The following CHRNA6 variants were observed in gnomAD, a reference collection of about 807,000 sequenced individuals.
CHRNA6 encodes cholinergic receptor nicotinic alpha 6 subunit, also known as neuronal acetylcholine receptor subunit alpha-6.
A neutral mutation model predicts 40.9 loss-of-function variants in CHRNA6; 31 were observed. The ratio of observed to expected loss-of-function variants is 0.76; its 90% confidence interval spans 0.57 to 1.02. The LOEUF (loss-of-function observed/expected upper bound fraction) is 1.02, where lower values mean the gene tolerates loss of function less well. CHRNA6 is among the 50% of genes least tolerant of loss of function. The pLI, the probability that CHRNA6 is intolerant of heterozygous loss-of-function variation, is 0.00. For synonymous variants in CHRNA6, 222 were observed against 221.3 expected (o/e 1.00, Z -0.03); for missense variants, 546 against 596.6 (o/e 0.92, Z 0.88).
chr8:42,759,407 A>G (rs1425522641), intron 2 of CHRNA6: 1 of 294,964 alleles, frequency 3.4e-6, no homozygotes, highest in Non-Finnish European at 6.6e-6. Flanking sequence ...AAAGGTTTCT[A>G]GTTCCATGAA....
intron 5 of CHRNA6, among the ~76,000 whole-genome samples, chr8:42,755,111 T>C (rs1199817289): frequency 1.4e-5 from 2 of 147,010 alleles, no homozygotes; most frequent in Non-Finnish European, 3.0e-5. Context: ...CTCAACCTCC[T>C]GGGCTCAAGC....
chr8:42,768,354 T>G lies in CHRNA6; in HGVS notation c.77A>C (p.Lys26Thr), dbSNP rs1437779731. 3.7e-6 allele frequency: 6 copies of G among 1,612,602 alleles called. No homozygotes were observed. The Admixed American group carries it at 1.0e-4, about 27-fold the overall frequency. Residue 26 changes from lysine to threonine, a missense_variant and splice_region_variant, in exon 1 of 6, where the codon AAA (lysine) becomes ACA (threonine). Lys to Thr is a moderately conservative substitution (Grantham distance 78, BLOSUM62 -1). This residue lies in a region of CHRNA6 where 476 missense variants were observed against 494.5 expected (regional missense o/e 0.96). Coordinates refer to ENST00000276410, the MANE Select transcript of CHRNA6 (RefSeq NM_004198.3). ...GATAAAGCAGAAATGAAACCTACCT[T>G]TAAAGAAAGGTGTGAACACACACAG... is the stretch of plus-strand genomic sequence containing the variant. ...LWLCVFTPFF[K>T]GCVGCATEER...
chr8:42,754,179 G>A (rs1222834547), intron 5 of CHRNA6, among the ~76,000 whole-genome samples: 1 of 151,614 alleles, frequency 6.6e-6, no homozygotes, highest in African/African-American at 2.4e-5. Flanking sequence ...CTGTTTCTTC[G>A]ATTAAAAAAA....
rs1359312428 is a variant in CHRNA6 at position 42,768,333 on chromosome 8, A to C, written c.79+19T>G. On this transcript the variant is annotated intron_variant, in intron 1 of 5. Coordinates refer to ENST00000276410, the MANE Select transcript of CHRNA6 (RefSeq NM_004198.3). The stretch of plus-strand genomic sequence containing the variant: ...GTAGCTAAAAAGGGAATAGAAGATA[A>C]AGCAGAAATGAAACCTACCTTTAAA... 23 of 1,597,090 alleles carry C rather than the reference A, an allele frequency of 1.4e-5. No homozygotes were observed. Among genetic ancestry groups the C allele is most frequent in the Non-Finnish European group, 1.9e-5 (22 of 1,164,906 alleles).
In CHRNA6 at chr8:42,768,408, C is replaced by T; in HGVS notation, c.23G>A (p.Gly8Glu). Reference sequence around the variant, plus strand: ...GAGACACAAGCCCCCATGAAGGAATCCCTGCCCCTTGCTGGTCAGCATGGT... The same window carrying T: ...GAGACACAAGCCCCCATGAAGGAATTCCTGCCCCTTGCTGGTCAGCATGGT... MLTSKGQGFLHGGLCLWL... is the reference protein window; with the variant it reads MLTSKGQEFLHGGLCLWL... Residue 8 changes from glycine (G) to glutamate (E), a missense_variant, in exon 1 of 6, where the codon GGA becomes GAA. Physicochemically the swap from Gly to Glu is moderately conservative, Grantham distance 98. Around this residue, in one of 3 missense-constraint regions of CHRNA6, gnomAD observed 476 missense variants for 494.5 expected, o/e 0.96. Coordinates refer to ENST00000276410, the MANE Select transcript of CHRNA6 (RefSeq NM_004198.3). 6.2e-7 allele frequency: 1 copy of T among 1,614,028 alleles called. No homozygotes were observed. Among genetic ancestry groups the T allele is most frequent in the Non-Finnish European group, 8.5e-7 (1 of 1,179,892 alleles).
At chr8:42,764,967 G>A (rs1472946371) in intron 2 of CHRNA6, 98 bp downstream of exon 2, 11 of 1,334,736 alleles carry the variant, frequency 8.2e-6, no homozygotes, top group African/African-American at 1.4e-5. Flanking sequence ...GCCAGATCTC[G>A]TGTAGATTTG....
chr8:42,759,187 A>G (rs1816858227), intron 2 of CHRNA6, 74 bp from the exon 3 acceptor site: 1 of 1,110,558 alleles, frequency 9.0e-7, no homozygotes, highest in African/African-American at 1.5e-5. Context: ...AAAAATTACA[A>G]CTAAAAAGAA....
chr8:42,766,292 A>G (rs1161960699), intron 1 of CHRNA6, among the ~76,000 whole-genome samples: 2 of 152,154 alleles, frequency 1.3e-5, no homozygotes, highest in East Asian at 1.9e-4. Flanking sequence ...GGAGATCGAG[A>G]CCATCCTGGC....
At chr8:42,765,234 A>G in intron 1 of CHRNA6, 30 bp from the exon 2 acceptor site, 1 of 1,609,016 alleles carries the variant, frequency 6.2e-7, no homozygotes, top group Non-Finnish European at 8.5e-7. Flanking sequence ...GGAGAGTTAG[A>G]GCCAGCCCGG....
Position 42,765,070 on chromosome 8 carries a change from T to C in CHRNA6, c.214A>G (p.Asn72Asp). 1 of 1,614,114 alleles carries C rather than the reference T, an allele frequency of 6.2e-7. No individual in the cohort carries two copies. Among genetic ancestry groups the C allele is most frequent in the East Asian group, 2.2e-5 (1 of 44,888 alleles). ...TCTGATCAGAGGGCACTCACCACGT[T>C]GGCCAGCTGGGTGATGGCCACTTCA... ...HFEVAITQLA[N>D]VDEVNQIMET... The change falls in exon 2 of 6, where the codon AAC becomes GAC. Residue 72 changes from asparagine to aspartate, a missense_variant. Around this residue, in one of 3 missense-constraint regions of CHRNA6, gnomAD observed 476 missense variants for 494.5 expected, o/e 0.96. Coordinates refer to ENST00000276410, the MANE Select transcript of CHRNA6 (RefSeq NM_004198.3).
chr8:42,758,565 T>C (rs1816846655), intron 3 of CHRNA6, among the ~76,000 whole-genome samples: 1 of 152,130 alleles, frequency 6.6e-6, no homozygotes, highest in Admixed American at 6.6e-5. Flanking sequence ...CATTTCACCA[T>C]GTTGGCCAAG....
intron 2 of CHRNA6, among the ~76,000 whole-genome samples, chr8:42,762,510 A>G (rs554461528): frequency 1.9e-4 from 29 of 152,262 alleles, no homozygotes; most frequent in African/African-American, 7.0e-4. Context: ...TTAGCCGGGC[A>G]TAGTGGCACA....
chr8:42,754,703 C>T (rs1221400558), intron 5 of CHRNA6, among the ~76,000 whole-genome samples: 1 of 152,192 alleles, frequency 6.6e-6, no homozygotes, highest in Non-Finnish European at 1.5e-5. Flanking sequence ...GTTTCAGATG[C>T]CTTCCGCTAG....
intron 2 of CHRNA6, among the ~76,000 whole-genome samples, chr8:42,761,149 G>C (rs1816898871): frequency 6.6e-6 from 1 of 152,186 alleles, no homozygotes; most frequent in South Asian, 2.1e-4. Context: ...ACCCTGCTGG[G>C]CTTCCTCTTT....
rs1373295820 is a variant in CHRNA6 at position 42,764,775 on chromosome 8, A to G, written c.219+290T>C. On this transcript the variant is annotated intron_variant, in intron 2 of 5. Coordinates refer to ENST00000276410, the MANE Select transcript of CHRNA6 (RefSeq NM_004198.3). The stretch of plus-strand genomic sequence containing the variant: ...AGTGAGATGAAGATGTTGGCCACAC[A>G]GTGTAAACAGGCGTCTGGTGCATAA... 2.6e-5 allele frequency among the ~76,000 whole-genome samples: 4 copies of G among 152,176 alleles called. 1 individual carries two copies. The highest frequency in any genetic ancestry group is 7.2e-5 in the African/African-American group (3 of 41,432).
chr8:42,768,074 G>T (rs1816997394), intron 1 of CHRNA6, among the ~76,000 whole-genome samples: 2 of 152,130 alleles, frequency 1.3e-5, no homozygotes, highest in South Asian at 4.1e-4. Context: ...CCACAGGGGA[G>T]ATGAATAGAA....
chr8:42,757,086 C>T lies in CHRNA6; in HGVS notation c.265-49G>A, dbSNP rs777741104. ...TTAAAATTTCTTAATAACTTTCGGG[C>T]CAGGCATGGTGGCTCACGCCTGTAA... On this transcript the variant is annotated intron_variant, in intron 3 of 5. Coordinates refer to ENST00000276410, the MANE Select transcript of CHRNA6 (RefSeq NM_004198.3). 1.4e-5 allele frequency: 20 copies of T among 1,430,580 alleles called. No homozygotes were observed. In the South Asian group the frequency reaches 2.2e-4, roughly 16 times the overall value. The allele number at this position is 1,430,580 out of a possible 1,614,324, so 88.6% of individuals were successfully genotyped here.
chr8:42,762,771 G>GA (rs1346093901), intron 2 of CHRNA6, among the ~76,000 whole-genome samples: 2 of 152,168 alleles, frequency 1.3e-5, no homozygotes, highest in African/African-American at 4.8e-5. Context: ...ATGATGCTGA[G>GA]GGAAAAACCC....
At chr8:42,761,479 C>T (rs1054418348) in intron 2 of CHRNA6, among the ~76,000 whole-genome samples, 2 of 152,250 alleles carry the variant, frequency 1.3e-5, no homozygotes, top group African/African-American at 2.4e-5. Flanking sequence ...CCCTTCAAAG[C>T]CTGCTTTGTC....
Sources: allele counts gnomAD v4.1 joint callset (sites outside exome capture counted in the v4.1 genomes callset), GRCh38; gene constraint gnomAD v4.1.1; regional missense constraint gnomAD v4.1.1; transcripts MANE v1.5; gene names NCBI Gene and HGNC (gene_info 2026-07-23, HGNC 2026-07-21).